LINGO2: variants seen among roughly 807,000 people sequenced by gnomAD.
The protein encoded by LINGO2 is leucine-rich repeat and immunoglobulin-like domain-containing nogo receptor-interacting protein 2.
In LINGO2, 14 loss-of-function variants were observed where a neutral mutation model predicts 30.6. The ratio of observed to expected loss-of-function variants is 0.46; its 90% confidence interval spans 0.30 to 0.72. The LOEUF (loss-of-function observed/expected upper bound fraction) is 0.72, where lower values mean the gene tolerates loss of function less well. Ranked by LOEUF, LINGO2 falls within the 30% of genes least tolerant of loss-of-function variation. LINGO2 has a pLI of 0.07. For synonymous variants in LINGO2, 317 were observed against 288.5 expected (o/e 1.10, Z -1.00); for missense variants, 729 against 751.7 (o/e 0.97, Z 0.35).
At chr9:28,166,919 A>C (rs1828443768) in intron 4 of LINGO2, among the ~76,000 whole-genome samples, 1 of 152,076 alleles carries the variant, frequency 6.6e-6, no homozygotes, top group Non-Finnish European at 1.5e-5. Context: ...TGGGGTTTCT[A>C]TGAATGCCAC....
chr9:28,332,665 C>T (rs1280032646), intron 3 of LINGO2, among the ~76,000 whole-genome samples: 1 of 151,382 alleles, frequency 6.6e-6, no homozygotes, highest in Non-Finnish European at 1.5e-5. Context: ...TTATAAGAAT[C>T]TGACTGGTTC....
the LINGO2 span, among the ~76,000 whole-genome samples, chr9:28,884,068 A>T: frequency 6.6e-6 from 1 of 151,782 alleles, no homozygotes; most frequent in South Asian, 2.1e-4. Flanking sequence ...TGTCATGCTA[A>T]GTTTTCTCAG....
the LINGO2 span, among the ~76,000 whole-genome samples, chr9:29,138,860 A>T: frequency 1.3e-4 from 20 of 152,284 alleles, 1 homozygote; most frequent in South Asian, 3.9e-3. Flanking sequence ...AGCTTGTAAA[A>T]TGGCAACCAT....
At chr9:28,954,138 A>C in the LINGO2 span, among the ~76,000 whole-genome samples, 1 of 152,254 alleles carries the variant, frequency 6.6e-6, no homozygotes, top group Admixed American at 6.5e-5. Flanking sequence ...ACAAATACAA[A>C]ATAGTTGCTT....
intron 4 of LINGO2, among the ~76,000 whole-genome samples, chr9:28,126,469 A>C (rs1173370682): frequency 6.6e-6 from 1 of 152,208 alleles, no homozygotes; most frequent in Non-Finnish European, 1.5e-5. Flanking sequence ...GGAATCTCCC[A>C]AACGAACTGA....
intron 4 of LINGO2, among the ~76,000 whole-genome samples, chr9:28,235,735 T>A (rs960964434): frequency 1.3e-5 from 2 of 152,032 alleles, no homozygotes; most frequent in East Asian, 3.9e-4. Flanking sequence ...GCAGAAATGA[T>A]CAAGCAGAAA....
chr9:28,537,046 C>G (rs1021122215), intron 1 of LINGO2, among the ~76,000 whole-genome samples: 2 of 151,942 alleles, frequency 1.3e-5, no homozygotes, highest in African/African-American at 4.8e-5. Flanking sequence ...TAGGCATGCA[C>G]ACAGGGATAA....
chr9:28,686,358 A>T, the LINGO2 span, among the ~76,000 whole-genome samples: 1 of 152,066 alleles, frequency 6.6e-6, no homozygotes, highest in Non-Finnish European at 1.5e-5. Context: ...TTATTGATTA[A>T]AGTGACATTT....
chr9:28,065,412 G>T (rs1433304407), intron 4 of LINGO2, among the ~76,000 whole-genome samples: 2 of 134,546 alleles, frequency 1.5e-5, no homozygotes, highest in African/African-American at 2.8e-5. Flanking sequence ...ATAAGAGGGT[G>T]GGGGATGGTC....
chr9:28,073,900 G>A (rs527674622), intron 4 of LINGO2, among the ~76,000 whole-genome samples: 1 of 152,214 alleles, frequency 6.6e-6, no homozygotes, highest in Non-Finnish European at 1.5e-5. Flanking sequence ...TTTGATGGAG[G>A]TTTTCTTGAA....
the LINGO2 span, among the ~76,000 whole-genome samples, chr9:28,931,484 G>T: frequency 6.6e-6 from 1 of 152,184 alleles, no homozygotes; most frequent in African/African-American, 2.4e-5. Flanking sequence ...TGCAGGAAGA[G>T]ATCAGATAGC....
intron 2 of LINGO2, among the ~76,000 whole-genome samples, chr9:28,439,258 T>C (rs1824091054): frequency 6.7e-6 from 1 of 148,956 alleles, no homozygotes; most frequent in South Asian, 2.1e-4. Context: ...TGTGTGTATA[T>C]GTATATGTAT....
chr9:29,092,183 G>C, the LINGO2 span, among the ~76,000 whole-genome samples: 1 of 151,902 alleles, frequency 6.6e-6, no homozygotes, highest in South Asian at 2.1e-4. Context: ...ATACAGATGA[G>C]GAAACAGGCT....
At chr9:28,899,212 G>A in the LINGO2 span, among the ~76,000 whole-genome samples, 1 of 152,204 alleles carries the variant, frequency 6.6e-6, no homozygotes, top group East Asian at 1.9e-4. Context: ...GCAACACAGT[G>A]TGAGAAGAGA....
intron 4 of LINGO2, among the ~76,000 whole-genome samples, chr9:28,029,642 C>T (rs1158394159): frequency 6.6e-6 from 1 of 152,108 alleles, no homozygotes; most frequent in Non-Finnish European, 1.5e-5. Flanking sequence ...TCAGCAATAA[C>T]TGATACGTTT....
chr9:28,350,366 C>G (rs1364712395), intron 3 of LINGO2, among the ~76,000 whole-genome samples: 1 of 147,050 alleles, frequency 6.8e-6, no homozygotes, highest in African/African-American at 2.5e-5. Context: ...TCTGATAAAA[C>G]AGACTTTAAA....
intron 4 of LINGO2, among the ~76,000 whole-genome samples, chr9:28,162,590 A>G (rs971446125): frequency 4.6e-5 from 7 of 152,184 alleles, no homozygotes; most frequent in African/African-American, 1.7e-4. Flanking sequence ...ATTCTACTAC[A>G]TTGATAACTT....
At chr9:28,488,916 T>A (rs764514671) in intron 1 of LINGO2, among the ~76,000 whole-genome samples, 7 of 152,196 alleles carry the variant, frequency 4.6e-5, no homozygotes, top group Non-Finnish European at 4.4e-5. Flanking sequence ...TCTATAAATG[T>A]TCGACCAATA....
chr9:28,963,239 C>T, the LINGO2 span, among the ~76,000 whole-genome samples: 7 of 151,876 alleles, frequency 4.6e-5, no homozygotes, highest in African/African-American at 9.7e-5. Context: ...TTATATATCA[C>T]TATAAGTATT....
Sources: gnomAD v4.1 joint callset for allele counts (sites outside exome capture counted in the v4.1 genomes callset) on GRCh38, gnomAD v4.1.1 for gene constraint, MANE v1.5 for transcripts, NCBI Gene and HGNC (gene_info 2026-07-23, HGNC 2026-07-21) for gene names.